Variants in ANTXR1 observed in about 807,000 individuals in gnomAD.
The protein encoded by ANTXR1 is anthrax toxin receptor 1.
A neutral mutation model predicts 78.1 loss-of-function variants in ANTXR1; 19 were observed. That is an observed-to-expected ratio of 0.24 (90% confidence interval 0.17 to 0.36). The LOEUF (loss-of-function observed/expected upper bound fraction) is 0.36, where lower values mean the gene tolerates loss of function less well. Ranked by LOEUF, ANTXR1 falls within the 10% of genes least tolerant of loss-of-function variation. ANTXR1 has a pLI of 1.00. For missense variants in ANTXR1, 518 were observed against 718.6 expected (o/e 0.72, Z 3.19); for synonymous variants, 273 against 260.5 (o/e 1.05, Z -0.46).
chr2:69,195,254 GTCTGGGGA>G (rs1409036277), intron 17 of ANTXR1, among the ~76,000 whole-genome samples: 1 of 152,086 alleles, frequency 6.6e-6, no homozygotes, highest in Non-Finnish European at 1.5e-5. Context: ...CTGTTCTGCT[GTCTGGGGA>G]TGGTTGATAC....
intron 10 of ANTXR1, among the ~76,000 whole-genome samples, chr2:69,121,397 T>C (rs1292348569): frequency 1.3e-5 from 2 of 152,242 alleles, no homozygotes; most frequent in Non-Finnish European, 2.9e-5. Flanking sequence ...AATAAATATT[T>C]GTTGAATGAA....
At chr2:69,116,709 T>C (rs1672154386) in intron 10 of ANTXR1, among the ~76,000 whole-genome samples, 1 of 152,198 alleles carries the variant, frequency 6.6e-6, no homozygotes, top group Non-Finnish European at 1.5e-5. Context: ...TTACATCAGC[T>C]TTGGAGGGTT....
At chr2:69,104,514 G>A (rs1235877572) in intron 10 of ANTXR1, among the ~76,000 whole-genome samples, 1 of 152,200 alleles carries the variant, frequency 6.6e-6, no homozygotes, top group Non-Finnish European at 1.5e-5. Flanking sequence ...GTCACAGTGT[G>A]AAAGTTGGAC....
chr2:69,181,194 G>A (rs1223974796), intron 14 of ANTXR1, among the ~76,000 whole-genome samples: 1 of 152,182 alleles, frequency 6.6e-6, no homozygotes, highest in Non-Finnish European at 1.5e-5. Context: ...GCAAGTGCAT[G>A]GGGGCTTGGG....
intron 11 of ANTXR1, among the ~76,000 whole-genome samples, chr2:69,123,946 C>A (rs1201205803): frequency 1.3e-5 from 2 of 152,186 alleles, no homozygotes; most frequent in African/African-American, 4.8e-5. Flanking sequence ...GTGAAACCTC[C>A]AACTCTGGTT....
At chr2:69,088,386 GATTT>G (rs776656794) in intron 8 of ANTXR1, among the ~76,000 whole-genome samples, 1 of 152,182 alleles carries the variant, frequency 6.6e-6, no homozygotes, top group African/African-American at 2.4e-5. Context: ...ATGATAAAAT[GATTT>G]ATTAGGAGAT....
intron 5 of ANTXR1, among the ~76,000 whole-genome samples, chr2:69,072,071 A>G (rs1670582953): frequency 6.6e-6 from 1 of 152,210 alleles, no homozygotes; most frequent in Non-Finnish European, 1.5e-5. Context: ...TGAATTCACT[A>G]AATTAGTAAA....
chr2:69,119,629 C>T (rs1672279855), intron 10 of ANTXR1, among the ~76,000 whole-genome samples: 2 of 152,254 alleles, frequency 1.3e-5, no homozygotes, highest in African/African-American at 4.8e-5. Flanking sequence ...TCCCGCTCAG[C>T]CTCCATTTTG....
At chr2:69,133,337 G>A (rs1040370729) in intron 12 of ANTXR1, among the ~76,000 whole-genome samples, 4 of 152,158 alleles carry the variant, frequency 2.6e-5, no homozygotes, top group African/African-American at 9.7e-5. Flanking sequence ...ACTTTCCCCT[G>A]TAGGTTCCTT....
At chr2:69,208,944 C>T (rs1306497179) in intron 17 of ANTXR1, among the ~76,000 whole-genome samples, 1 of 152,136 alleles carries the variant, frequency 6.6e-6, no homozygotes, top group Admixed American at 6.5e-5. Flanking sequence ...TTCTCTTAAC[C>T]CAGGCTGGAG....
At chr2:69,109,119 T>C (rs991065080) in intron 10 of ANTXR1, among the ~76,000 whole-genome samples, 2 of 152,148 alleles carry the variant, frequency 1.3e-5, no homozygotes, top group Admixed American at 6.5e-5. Context: ...CTCTGTAAAA[T>C]GAGTATGGCA....
chr2:69,221,414 A>G (rs1315426457), intron 17 of ANTXR1, among the ~76,000 whole-genome samples: 1 of 152,222 alleles, frequency 6.6e-6, no homozygotes. Context: ...TCCCTATATC[A>G]TAATTCAGCT....
intron 12 of ANTXR1, among the ~76,000 whole-genome samples, chr2:69,150,395 G>T (rs781720009): frequency 2.0e-5 from 3 of 152,144 alleles, no homozygotes; most frequent in Non-Finnish European, 4.4e-5. Context: ...AGCCCACCTG[G>T]GTACCCCATA....
rs549472012 is a variant in ANTXR1, at chr2:69,135,488, C to T, written c.951+10845C>T. On this transcript the variant is annotated intron_variant, in intron 12 of 17. Transcript: ENST00000303714. Reference sequence around the variant, plus strand: ...AAAATATCCAGCTATGTGTGATTTACAATAAAACATATATTCAATAAAACA... The same window carrying T: ...AAAATATCCAGCTATGTGTGATTTATAATAAAACATATATTCAATAAAACA... 2.0e-5 allele frequency among the ~76,000 whole-genome samples: 3 copies of T among 151,992 alleles called. No homozygotes were observed. In the South Asian group the frequency reaches 6.2e-4, roughly 32 times the overall value.
intron 1 of ANTXR1, among the ~76,000 whole-genome samples, chr2:69,026,346 TCTC>T (rs1423569496): frequency 2.0e-5 from 3 of 152,098 alleles, no homozygotes; most frequent in Non-Finnish European, 4.4e-5. Flanking sequence ...ATGAATTCAG[TCTC>T]CTCATCTGGA....
chr2:69,202,938 C>A (rs561012439), intron 17 of ANTXR1, among the ~76,000 whole-genome samples: 2 of 152,286 alleles, frequency 1.3e-5, no homozygotes, highest in Admixed American at 1.3e-4. Context: ...CCATTGATTT[C>A]AGAGAATTTT....
chr2:69,051,537 A>T (rs1475121023), intron 3 of ANTXR1, among the ~76,000 whole-genome samples: 1 of 151,976 alleles, frequency 6.6e-6, no homozygotes, highest in Non-Finnish European at 1.5e-5. Context: ...TTAAAAATTC[A>T]ATTTATATAA....
intron 17 of ANTXR1, among the ~76,000 whole-genome samples, chr2:69,195,221 T>C (rs925545192): frequency 6.6e-6 from 1 of 151,540 alleles, no homozygotes; most frequent in Non-Finnish European, 1.5e-5. Flanking sequence ...ATGACAGATA[T>C]CCTTATGGTC....
chr2:69,217,610 C>G (rs1675209902), intron 17 of ANTXR1, among the ~76,000 whole-genome samples: 1 of 152,124 alleles, frequency 6.6e-6, no homozygotes, highest in Admixed American at 6.5e-5. Context: ...TTAGTATATG[C>G]AATATTGTGC....
Sources: gnomAD v4.1 joint callset for allele counts (sites outside exome capture counted in the v4.1 genomes callset) on GRCh38, gnomAD v4.1.1 for gene constraint, MANE v1.5 for transcripts, NCBI Gene and HGNC (gene_info 2026-07-23, HGNC 2026-07-21) for gene names.